FMNL2: variants seen among roughly 807,000 people sequenced by gnomAD.
FMNL2 encodes the protein formin-like protein 2.
In FMNL2, 51 loss-of-function variants were observed where a neutral mutation model predicts 130.2. The observed-to-expected ratio is 0.39, with a 90% CI of 0.31 to 0.49. FMNL2 has a LOEUF of 0.49. Ranked by LOEUF, FMNL2 falls within the 20% of genes least tolerant of loss-of-function variation. The pLI is 0.85. For missense variants in FMNL2, 977 were observed against 1,316.2 expected (o/e 0.74, Z 3.99); for synonymous variants, 465 against 467.1 (o/e 1.00, Z 0.06).
intron 1 of FMNL2, among the ~76,000 whole-genome samples, chr2:152,499,585 G>T (rs1176948734): frequency 6.6e-6 from 1 of 152,250 alleles, no homozygotes; most frequent in African/African-American, 2.4e-5. Flanking sequence ...CCAACTTTGT[G>T]ATAGGTCACT....
chr2:152,514,129 A>G (rs902843893), intron 1 of FMNL2, among the ~76,000 whole-genome samples: 3 of 152,146 alleles, frequency 2.0e-5, no homozygotes. Flanking sequence ...TGAACTCAGG[A>G]GAATTGGTAC....
At chr2:152,362,082 A>G (rs1006687622) in intron 1 of FMNL2, among the ~76,000 whole-genome samples, 1 of 152,216 alleles carries the variant, frequency 6.6e-6, no homozygotes, top group African/African-American at 2.4e-5. Flanking sequence ...TTCTTCCAGT[A>G]TGGTTTTGTT....
intron 2 of FMNL2, among the ~76,000 whole-genome samples, chr2:152,524,261 A>G (rs1693262573): frequency 2.0e-5 from 3 of 152,240 alleles, no homozygotes; most frequent in Admixed American, 1.3e-4. Context: ...AATTAAGATT[A>G]AATCCCAAAG....
intron 1 of FMNL2, among the ~76,000 whole-genome samples, chr2:152,354,665 A>G (rs181200334): frequency 2.5e-4 from 38 of 152,352 alleles, no homozygotes; most frequent in African/African-American, 8.7e-4. Context: ...AAAGATGCAC[A>G]CATCTTTCTT....
At position 152,354,989 on chromosome 2, in the gene FMNL2, T is replaced by G. The variant is rs774301075; in HGVS notation, c.117+19269T>G. Among the ~76,000 whole-genome samples the G allele has an allele frequency of 1.4e-4, 22 of 152,204 alleles. 1 individual carries two copies. The highest frequency in any genetic ancestry group is 2.2e-4 in the Non-Finnish European group (15 of 68,032). Reference sequence around the variant, plus strand: ...CTTCTTATGCCGTTTATTGTAGCCTTTAGTCAGCTTAGAATAGCATGAAAG... The same window carrying G: ...CTTCTTATGCCGTTTATTGTAGCCTGTAGTCAGCTTAGAATAGCATGAAAG... On this transcript the variant is annotated intron_variant, in intron 1 of 25. Coordinates refer to ENST00000288670, the MANE Select transcript of FMNL2 (RefSeq NM_052905.4).
At chr2:152,398,602 A>T (rs1030852091) in intron 1 of FMNL2, among the ~76,000 whole-genome samples, 9 of 152,252 alleles carry the variant, frequency 5.9e-5, no homozygotes, top group Non-Finnish European at 1.2e-4. Flanking sequence ...GAGGTAAAAC[A>T]TGAATGATAG....
At chr2:152,485,270 A>T (rs914737238) in intron 1 of FMNL2, among the ~76,000 whole-genome samples, 1 of 152,260 alleles carries the variant, frequency 6.6e-6, no homozygotes, top group Non-Finnish European at 1.5e-5. Flanking sequence ...AGGCGGGCAG[A>T]TCACGAGGTC....
chr2:152,543,729 CAAAAAAAAA>C (rs71394490), intron 3 of FMNL2, among the ~76,000 whole-genome samples: 2 of 61,396 alleles, frequency 3.3e-5, no homozygotes, highest in Non-Finnish European at 5.5e-5. Context: ...ACCCCCCGAC[CAAAAAAAAA>C]AAAAAAAAAA....
intron 1 of FMNL2, among the ~76,000 whole-genome samples, chr2:152,411,501 A>G (rs1418113031): frequency 6.6e-6 from 1 of 152,168 alleles, no homozygotes; most frequent in Non-Finnish European, 1.5e-5. Flanking sequence ...TGGTGTATGA[A>G]GTTGGTCCTA....
intron 17 of FMNL2, among the ~76,000 whole-genome samples, chr2:152,627,542 A>C (rs572153985): frequency 6.6e-6 from 1 of 152,222 alleles, no homozygotes; most frequent in Admixed American, 6.5e-5. Flanking sequence ...CTGGTAGTCC[A>C]GTGCCTCCTA....
chr2:152,456,956 T>A (rs1579710121), intron 1 of FMNL2, among the ~76,000 whole-genome samples: 2 of 147,778 alleles, frequency 1.4e-5, no homozygotes, highest in South Asian at 4.3e-4. Flanking sequence ...AAAAAAAAAA[T>A]TGCTACAAAG....
intron 1 of FMNL2, among the ~76,000 whole-genome samples, chr2:152,490,569 A>AT (rs1316798149): frequency 2.8e-5 from 3 of 108,520 alleles, no homozygotes; most frequent in South Asian, 3.8e-4. Flanking sequence ...TTGCTATCCA[A>AT]TGTGTGTGTG....
chr2:152,358,552 G>A (rs1444149665), intron 1 of FMNL2, among the ~76,000 whole-genome samples: 1 of 151,990 alleles, frequency 6.6e-6, no homozygotes, highest in African/African-American at 2.4e-5. Context: ...TTGGGAGGCT[G>A]AGGCAGAAGA....
chr2:152,602,997 T>C (rs984617109), intron 9 of FMNL2, among the ~76,000 whole-genome samples: 2 of 152,224 alleles, frequency 1.3e-5, no homozygotes, highest in Admixed American at 1.3e-4. Flanking sequence ...GGGACACAAC[T>C]TTTACCAACC....
At position 152,357,048 on chromosome 2, in the gene FMNL2, C is replaced by A. The variant is rs201101102; in HGVS notation, c.117+21328C>A. Reference sequence around the variant, plus strand: ...TAAATATTACATAAGTTTAATATATCACGATAAATATTACATAAGTTTAAT... The same window carrying A: ...TAAATATTACATAAGTTTAATATATAACGATAAATATTACATAAGTTTAAT... On this transcript the variant is annotated intron_variant, in intron 1 of 25. Transcript: ENST00000288670. 4.7e-4 allele frequency among the ~76,000 whole-genome samples: 57 copies of A among 122,240 alleles called. 1 individual carries two copies. The highest frequency in any genetic ancestry group is 1.5e-3 in the African/African-American group (52 of 34,608). 80.2% of individuals were successfully genotyped at this position (122,240 alleles called of 152,430 possible). A position where few individuals can be genotyped will look rare whatever the true frequency, so the allele number is the denominator to read the frequency against.
intron 1 of FMNL2, among the ~76,000 whole-genome samples, chr2:152,476,686 T>A (rs1163977041): frequency 6.9e-6 from 1 of 145,362 alleles, no homozygotes; most frequent in African/African-American, 2.7e-5. Context: ...AAGGAGACCC[T>A]GTCTTAAAAA....
rs554983349 is a variant in FMNL2, at chr2:152,539,754, C to T, written c.202-2985C>T. On this transcript the variant is annotated intron_variant, in intron 2 of 25. Coordinates refer to ENST00000288670, the MANE Select transcript of FMNL2 (RefSeq NM_052905.4). Reference sequence around the variant, plus strand: ...TATTTGAGTAAGCCTTCTGAGTCGCCACAGTCCCAAATAGGAAATGAAAAA... The same window carrying T: ...TATTTGAGTAAGCCTTCTGAGTCGCTACAGTCCCAAATAGGAAATGAAAAA... Among the ~76,000 whole-genome samples, 21 of 152,258 alleles carry T rather than the reference C, an allele frequency of 1.4e-4. No homozygotes were observed. The South Asian group carries it at 4.1e-3, about 30-fold the overall frequency.
At chr2:152,605,695 T>G (rs1040636623) in intron 9 of FMNL2, among the ~76,000 whole-genome samples, 2 of 152,326 alleles carry the variant, frequency 1.3e-5, no homozygotes, top group East Asian at 1.9e-4. Flanking sequence ...TTATTTTTTG[T>G]TAAGTCAGGT....
intron 1 of FMNL2, among the ~76,000 whole-genome samples, chr2:152,491,483 A>T (rs1691188448): frequency 6.6e-6 from 1 of 152,210 alleles, no homozygotes; most frequent in Non-Finnish European, 1.5e-5. Flanking sequence ...GGGTCTCTGG[A>T]TCACTAACCA....
Sources: allele counts gnomAD v4.1 joint callset (sites outside exome capture counted in the v4.1 genomes callset), GRCh38; gene constraint gnomAD v4.1.1; transcripts MANE v1.5; gene names NCBI Gene and HGNC (gene_info 2026-07-23, HGNC 2026-07-21).